Variants in NTM observed in about 807,000 individuals in gnomAD.
The protein encoded by NTM is IgLON family member 2.
Under a neutral mutation model 42.1 loss-of-function variants are expected in NTM, and 13 were observed. The ratio of observed to expected loss-of-function variants is 0.31; its 90% CI spans 0.20 to 0.49. NTM has a LOEUF of 0.49. Among genes scored for constraint, NTM ranks in the 20% least tolerant of loss-of-function variants. The probability of loss-of-function intolerance (pLI) is 0.99; values close to 1 mark genes in which losing one functional copy is unlikely to be tolerated. For synonymous variants in NTM, 187 were observed against 179.2 expected (o/e 1.04, Z -0.35); for missense variants, 373 against 452.8 (o/e 0.82, Z 1.60).
rs539156325 is a variant in NTM at position 132,073,902 on chromosome 11, C to G, written c.168-72380C>G. ...TAAGTCAACACATGCACATGCTTTCCCATCAGTTCCCAGAATGCAGAGGAC... is the reference window on the plus strand; with the variant it reads ...TAAGTCAACACATGCACATGCTTTCGCATCAGTTCCCAGAATGCAGAGGAC... On this transcript the variant is annotated intron_variant, in intron 2 of 8. Coordinates refer to ENST00000683400, the MANE Select transcript of NTM (RefSeq NM_001352005.2). Among the ~76,000 whole-genome samples, 13 of 152,266 alleles carry G rather than the reference C, an allele frequency of 8.5e-5. 1 individual carries two copies. In the South Asian group the frequency reaches 2.7e-3, roughly 32 times the overall value.
intron 1 of NTM, among the ~76,000 whole-genome samples, chr11:131,768,474 C>T (rs1040112720): frequency 2.6e-4 from 39 of 152,122 alleles, no homozygotes; most frequent in Non-Finnish European, 1.6e-4. Flanking sequence ...TCTTGAGTTA[C>T]GGAAAAACAG....
rs375671175 is a variant in NTM, at chr11:132,182,826, A to G, written c.401-29196A>G. Among the ~76,000 whole-genome samples, 18 of 152,244 alleles carry G rather than the reference A, an allele frequency of 1.2e-4. 1 individual carries two copies. Among genetic ancestry groups the G allele is most frequent in the African/African-American group, 4.3e-4 (18 of 41,530 alleles). ...GCCCCAAGTTATCCTTTTACCATCA[A>G]ATTCTACCACTGACCTTATAGTACA... On this transcript the variant is annotated intron_variant, in intron 3 of 8. Coordinates refer to ENST00000683400, the MANE Select transcript of NTM (RefSeq NM_001352005.2).
At chr11:131,943,717 G>A (rs1352632464) in intron 2 of NTM, among the ~76,000 whole-genome samples, 7 of 151,308 alleles carry the variant, frequency 4.6e-5, no homozygotes. Context: ...CCTTTTTTTT[G>A]TCTCTCTCTG....
intron 2 of NTM, among the ~76,000 whole-genome samples, chr11:131,968,453 A>G (rs1011342225): frequency 2.6e-5 from 4 of 152,162 alleles, no homozygotes; most frequent in Non-Finnish European, 4.4e-5. Context: ...TATTAAGGTT[A>G]AAGAGTGGCA....
At chr11:131,617,882 G>T (rs1173069387) in intron 1 of NTM, among the ~76,000 whole-genome samples, 1 of 152,170 alleles carries the variant, frequency 6.6e-6, no homozygotes, top group Admixed American at 6.5e-5. Context: ...AGATAGGCAG[G>T]GGGTTGGGAG....
intron 1 of NTM, among the ~76,000 whole-genome samples, chr11:131,634,782 G>T (rs1445234606): frequency 6.6e-6 from 1 of 152,068 alleles, no homozygotes; most frequent in African/African-American, 2.4e-5. Flanking sequence ...TGTAAAATGG[G>T]TTTAATAATA....
At chr11:132,319,635 G>C (rs12795533) in intron 7 of NTM, among the ~76,000 whole-genome samples, 3,486 of 152,348 alleles carry the variant, frequency 0.023, 56 homozygotes, top group Non-Finnish European at 0.033. Context: ...GCACGAACTG[G>C]GTGGAGCCCA....
chr11:131,438,026 C>G (rs1348812665), intron 1 of NTM, among the ~76,000 whole-genome samples: 4 of 152,146 alleles, frequency 2.6e-5, no homozygotes, highest in African/African-American at 7.2e-5. Context: ...GATTTTATTT[C>G]TCCTTCACTT....
rs189392405 is a variant in NTM, at chr11:131,883,986, T to A, written c.83-27578T>A. On this transcript the variant is annotated intron_variant, in intron 1 of 8. Transcript: ENST00000683400. The stretch of plus-strand genomic sequence containing the variant: ...CATATGATAGCTACAAATAATAATA[T>A]TTAATAGTTACTGAATCCTTAATAG... Among the ~76,000 whole-genome samples the A allele has an allele frequency of 2.5e-3, 388 of 152,310 alleles. 4 individuals are homozygous for A. The highest frequency in any genetic ancestry group is 7.6e-4 in the Non-Finnish European group (52 of 68,040).
Position 131,713,186 on chromosome 11 carries a change from G to A in NTM, c.83-198378G>A, listed in dbSNP as rs141539971. Among the ~76,000 whole-genome samples the A allele has an allele frequency of 6.9e-3, 1,053 of 151,918 alleles. 1 individual carries two copies. Among genetic ancestry groups the A allele is most frequent in the Admixed American group, 0.011 (170 of 15,254 alleles). On this transcript the variant is annotated intron_variant, in intron 1 of 8. Transcript: ENST00000683400. ...TGTGTAATGATAAAGAAATGCAAAT[G>A]TTTAGAGCAACAAAACGGAAACATG...
intron 1 of NTM, among the ~76,000 whole-genome samples, chr11:131,389,024 A>AAAAAAAAAAGAAAAGAAAAGAAAAG (rs774146196): frequency 1.1e-5 from 1 of 89,902 alleles, no homozygotes; most frequent in African/African-American, 4.6e-5. Context: ...AAAAAAAAAA[A>AAAAAAAAAAGAAAAGAAAAGAAAAG]AAAAGAAAAG....
chr11:131,403,361 C>T (rs184382807), intron 1 of NTM, among the ~76,000 whole-genome samples: 2 of 152,284 alleles, frequency 1.3e-5, no homozygotes, highest in South Asian at 2.1e-4. Context: ...ATGCTTTGGT[C>T]CTATGATCAC....
chr11:131,931,901 C>T (rs949574187), intron 2 of NTM, among the ~76,000 whole-genome samples: 1 of 152,188 alleles, frequency 6.6e-6, no homozygotes, highest in African/African-American at 2.4e-5. Context: ...AGGCCACCAG[C>T]TACAGCTGAC....
At chr11:132,047,980 C>T (rs2078252307) in intron 2 of NTM, among the ~76,000 whole-genome samples, 1 of 152,002 alleles carries the variant, frequency 6.6e-6, no homozygotes, top group Admixed American at 6.5e-5. Context: ...TAGCATTTCA[C>T]TTGTAATTAG....
intron 1 of NTM, among the ~76,000 whole-genome samples, chr11:131,413,288 A>T (rs1419448217): frequency 6.6e-6 from 1 of 152,254 alleles, no homozygotes; most frequent in Non-Finnish European, 1.5e-5. Context: ...ATTGAAAGCA[A>T]TTCCAACTGA....
At chr11:132,083,926 A>C (rs2059388113) in intron 2 of NTM, among the ~76,000 whole-genome samples, 1 of 152,164 alleles carries the variant, frequency 6.6e-6, no homozygotes, top group African/African-American at 2.4e-5. Flanking sequence ...AAAGACTTTA[A>C]ATAGTTCAAA....
chr11:132,137,163 C>T (rs1420538497), intron 2 of NTM, among the ~76,000 whole-genome samples: 1 of 152,356 alleles, frequency 6.6e-6, no homozygotes, highest in Middle Eastern at 3.4e-3. Context: ...CCAGGCTGGC[C>T]TAACTTGTCC....
chr11:131,589,752 C>A (rs910079453), intron 1 of NTM, among the ~76,000 whole-genome samples: 1 of 152,204 alleles, frequency 6.6e-6, no homozygotes, highest in East Asian at 1.9e-4. Context: ...CACCAGGTCA[C>A]TGCCTGGCCT....
chr11:131,601,238 C>T (rs533453953), intron 1 of NTM, among the ~76,000 whole-genome samples: 3 of 152,166 alleles, frequency 2.0e-5, no homozygotes, highest in South Asian at 2.1e-4. Context: ...GTGGTGGCAG[C>T]GAGGTCACCC....
Sources: allele counts gnomAD v4.1 joint callset (sites outside exome capture counted in the v4.1 genomes callset), GRCh38; gene constraint gnomAD v4.1.1; transcripts MANE v1.5; gene names NCBI Gene and HGNC (gene_info 2026-07-23, HGNC 2026-07-21).